NFIA: variants seen among roughly 807,000 people sequenced by gnomAD.
NFIA encodes the protein nuclear factor 1 A-type.
Under a neutral mutation model 62.8 loss-of-function variants are expected in NFIA, and 8 were observed. That is an observed-to-expected ratio of 0.13 (90% CI 0.07 to 0.23). NFIA has a LOEUF of 0.23. Among genes scored for constraint, NFIA ranks in the 10% least tolerant of loss-of-function variants. The pLI, the probability that NFIA is intolerant of heterozygous loss-of-function variation, is 1.00. For missense variants in NFIA, 410 were observed against 642.1 expected, an observed-to-expected ratio of 0.64 and a Z score of 3.91; for synonymous variants, 235 against 238.1, an observed-to-expected ratio of 0.99 and a Z score of 0.12.
rs183802087 is a variant in NFIA, at chr1:61,270,203, G to T, written c.560-7317G>T. On this transcript the variant is annotated intron_variant, in intron 2 of 10. Transcript: ENST00000403491. ...AATGTACATTTTGGGGGGCCTTTAT[G>T]AGTTTCAAAACCAGGTTTTCTTGCT... Among the ~76,000 whole-genome samples the T allele has an allele frequency of 8.5e-5, 13 of 152,276 alleles. No individual in the cohort carries two copies. The East Asian group carries it at 1.9e-3, about 23-fold the overall frequency.
At chr1:61,406,028 T>C (rs1553183191) in intron 8 of NFIA, among the ~76,000 whole-genome samples, 1 of 152,220 alleles carries the variant, frequency 6.6e-6, no homozygotes, top group Non-Finnish European at 1.5e-5. Context: ...TTAAATGTTA[T>C]ATAATATCAA....
At chr1:61,403,958 T>C in intron 7 of NFIA, 146 bp from the exon 8 acceptor site, 1 of 875,342 alleles carries the variant, frequency 1.1e-6, no homozygotes, top group South Asian at 1.9e-5. Context: ...AGAAAATCTG[T>C]CAGACCTATC....
At chr1:61,327,018 CT>C (rs981238854) in intron 3 of NFIA, among the ~76,000 whole-genome samples, 1 of 133,466 alleles carries the variant, frequency 7.5e-6, no homozygotes, top group Non-Finnish European at 1.7e-5. Context: ...AGCATTCTTT[CT>C]TTTTAAAAGA....
chr1:61,160,267 A>G (rs939810114), intron 2 of NFIA, among the ~76,000 whole-genome samples: 1 of 152,202 alleles, frequency 6.6e-6, no homozygotes, highest in East Asian at 1.9e-4. Context: ...GACTAGCAGC[A>G]TCAGCATCAC....
At chr1:61,391,435 AAC>A (rs60938787) in intron 7 of NFIA, among the ~76,000 whole-genome samples, 17,800 of 124,168 alleles carry the variant, frequency 0.14, 1,015 homozygotes, top group East Asian at 0.22. Flanking sequence ...TTATGAATCA[AAC>A]ACACACACAC....
intron 4 of NFIA, among the ~76,000 whole-genome samples, chr1:61,337,195 G>T (rs1570600619): frequency 6.6e-6 from 1 of 152,154 alleles, no homozygotes; most frequent in East Asian, 1.9e-4. Context: ...CAACAAGGAT[G>T]CTTGCCATTG....
chr1:61,277,708 C>A, intron 3 of NFIA, 123 bp downstream of exon 3: 1 of 866,852 alleles, frequency 1.2e-6, no homozygotes, highest in Non-Finnish European at 1.8e-6. Flanking sequence ...ACTCCAAAGA[C>A]TCGGAAAAAC....
chr1:61,145,486 TATTA>T (rs533849283), intron 2 of NFIA, among the ~76,000 whole-genome samples: 18 of 152,180 alleles, frequency 1.2e-4, no homozygotes, highest in Non-Finnish European at 1.9e-4. Flanking sequence ...ATTCACTAAG[TATTA>T]ATTGAGTATC....
chr1:61,319,789 A>AC (rs1660570927), intron 3 of NFIA, among the ~76,000 whole-genome samples: 2 of 85,802 alleles, frequency 2.3e-5, no homozygotes, highest in African/African-American at 7.5e-5. Flanking sequence ...TGGAAGAATT[A>AC]AACACACACA....
At chr1:61,370,887 C>T (rs982634941) in intron 6 of NFIA, among the ~76,000 whole-genome samples, 24 of 152,112 alleles carry the variant, frequency 1.6e-4, no homozygotes, top group African/African-American at 5.3e-4. Flanking sequence ...TTTTCATTTG[C>T]GTAGCTGGAA....
At chr1:61,281,798 G>A (rs1296842547) in intron 3 of NFIA, among the ~76,000 whole-genome samples, 1 of 152,060 alleles carries the variant, frequency 6.6e-6, no homozygotes, top group East Asian at 1.9e-4. Flanking sequence ...ATTAAGGGTA[G>A]GATTTATGAC....
intron 2 of NFIA, among the ~76,000 whole-genome samples, chr1:61,110,178 G>T (rs939087631): frequency 4.6e-5 from 7 of 151,742 alleles, no homozygotes; most frequent in Admixed American, 3.3e-4. Context: ...ACTCTGCCTG[G>T]TGCTGACACA....
At chr1:61,135,969 C>G (rs1017404748) in intron 2 of NFIA, among the ~76,000 whole-genome samples, 1 of 152,054 alleles carries the variant, frequency 6.6e-6, no homozygotes, top group Admixed American at 6.6e-5. Flanking sequence ...AAATCAGAAC[C>G]CTCCGCTTAC....
intron 3 of NFIA, among the ~76,000 whole-genome samples, chr1:61,331,204 T>A (rs1448025913): frequency 6.6e-6 from 1 of 152,294 alleles, no homozygotes; most frequent in Non-Finnish European, 1.5e-5. Flanking sequence ...CTGTTTCATC[T>A]CAAATACCAT....
chr1:61,423,701 A>C (rs974135082), intron 9 of NFIA, among the ~76,000 whole-genome samples: 1 of 152,204 alleles, frequency 6.6e-6, no homozygotes, highest in African/African-American at 2.4e-5. Flanking sequence ...AAAAGTTTCA[A>C]TTAAGGTTTT....
chr1:61,137,532 G>A lies in NFIA; in HGVS notation c.559+48852G>A, dbSNP rs190781214. On this transcript the variant is annotated intron_variant, in intron 2 of 10. Coordinates refer to ENST00000403491, the MANE Select transcript of NFIA (RefSeq NM_001134673.4). ...TCTGGCTCTTTTCATCCTTGGGTGA[G>A]TTCTAAATAAAACTATTTTGTGTTA... 3.3e-5 allele frequency among the ~76,000 whole-genome samples: 5 copies of A among 152,256 alleles called. No homozygotes were observed. The East Asian group carries it at 7.7e-4, about 24-fold the overall frequency.
chr1:61,154,847 TA>T (rs1319480305), intron 2 of NFIA, among the ~76,000 whole-genome samples: 1 of 152,226 alleles, frequency 6.6e-6, no homozygotes, highest in African/African-American at 2.4e-5. Flanking sequence ...CTATGACTGT[TA>T]AAGCAGTCCA....
chr1:61,132,375 T>C (rs764919748), intron 2 of NFIA, among the ~76,000 whole-genome samples: 1 of 152,210 alleles, frequency 6.6e-6, no homozygotes, highest in South Asian at 2.1e-4. Context: ...GTTTCAGTAT[T>C]CTTTTCACGA....
intron 3 of NFIA, among the ~76,000 whole-genome samples, chr1:61,319,798 C>CACACACACACACACACACAG (rs1292186573): frequency 3.4e-5 from 1 of 29,360 alleles, no homozygotes; most frequent in African/African-American, 7.1e-5. Flanking sequence ...TAAACACACA[C>CACACACACACACACACACAG]ACACACACAC....
Sources: gnomAD v4.1 joint callset for allele counts (sites outside exome capture counted in the v4.1 genomes callset) on GRCh38, gnomAD v4.1.1 for gene constraint, MANE v1.5 for transcripts, NCBI Gene and HGNC (gene_info 2026-07-23, HGNC 2026-07-21) for gene names.